The following RSRC1 variants were observed in gnomAD, a reference collection of about 807,000 sequenced individuals.
The protein encoded by RSRC1 is serine/Arginine-related protein 53.
A neutral mutation model predicts 49.1 loss-of-function variants in RSRC1; 39 were observed. The ratio of observed to expected loss-of-function variants is 0.79; its 90% CI spans 0.61 to 1.04. RSRC1 has a LOEUF of 1.04. RSRC1 is among the 50% of genes least tolerant of loss of function. The pLI is 0.00. For synonymous variants in RSRC1, 143 were observed against 130.8 expected, an observed-to-expected ratio of 1.09 and a Z score of -0.63; for missense variants, 388 against 402.4, an observed-to-expected ratio of 0.96 and a Z score of 0.31.
At chr3:158,230,838 A>C (rs1483676215) in intron 4 of RSRC1, among the ~76,000 whole-genome samples, 1 of 152,178 alleles carries the variant, frequency 6.6e-6, no homozygotes, top group African/African-American at 2.4e-5. Flanking sequence ...GATAAATTGT[A>C]AATTATGAAA....
intron 3 of RSRC1, among the ~76,000 whole-genome samples, chr3:158,164,967 C>T (rs1400982055): frequency 2.6e-5 from 4 of 152,108 alleles, no homozygotes; most frequent in Non-Finnish European, 5.9e-5. Context: ...GTCCCTGTTT[C>T]TCCCTATATA....
At chr3:158,443,851 G>A (rs1177774286) in intron 6 of RSRC1, among the ~76,000 whole-genome samples, 1 of 152,142 alleles carries the variant, frequency 6.6e-6, no homozygotes, top group Non-Finnish European at 1.5e-5. Context: ...AACACTCAAA[G>A]GCTATTGTAG....
chr3:158,244,631 G>A (rs1029712046), intron 4 of RSRC1, among the ~76,000 whole-genome samples: 5 of 152,122 alleles, frequency 3.3e-5, no homozygotes, highest in African/African-American at 1.2e-4. Flanking sequence ...GGATGATGCT[G>A]GCCTCATAGA....
intron 6 of RSRC1, among the ~76,000 whole-genome samples, chr3:158,428,225 G>C (rs1199404827): frequency 6.6e-6 from 1 of 151,790 alleles, no homozygotes; most frequent in Non-Finnish European, 1.5e-5. Flanking sequence ...TTTAGCCATA[G>C]TTAGCCTACT....
At chr3:158,426,491 A>G (rs73877203) in intron 6 of RSRC1, among the ~76,000 whole-genome samples, 11,119 of 151,720 alleles carry the variant, frequency 0.073, 478 homozygotes, top group South Asian at 0.13. Flanking sequence ...TATTTTAAAA[A>G]GATGCCATTT....
intron 4 of RSRC1, among the ~76,000 whole-genome samples, chr3:158,247,696 G>A (rs1723982408): frequency 6.6e-6 from 1 of 152,110 alleles, no homozygotes; most frequent in African/African-American, 2.4e-5. Flanking sequence ...GTTGGCTTTG[G>A]TTCTTCCTGT....
chr3:158,121,484 A>G (rs1715256322), intron 1 of RSRC1, among the ~76,000 whole-genome samples: 1 of 152,162 alleles, frequency 6.6e-6, no homozygotes, highest in Admixed American at 6.6e-5. Context: ...CATCAACTTT[A>G]GTACTTTAGT....
chr3:158,112,818 C>G (rs1238892421), intron 1 of RSRC1, among the ~76,000 whole-genome samples: 1 of 151,556 alleles, frequency 6.6e-6, no homozygotes, highest in Non-Finnish European at 1.5e-5. Context: ...CACCTCAGGC[C>G]CCATTGTGTG....
chr3:158,242,933 T>G (rs540072609), intron 4 of RSRC1, among the ~76,000 whole-genome samples: 3 of 152,322 alleles, frequency 2.0e-5, no homozygotes, highest in Admixed American at 2.0e-4. Context: ...AAGTTCTTTG[T>G]AGATGCCGGA....
chr3:158,305,758 A>G (rs553035521), intron 5 of RSRC1, among the ~76,000 whole-genome samples: 2 of 152,056 alleles, frequency 1.3e-5, no homozygotes, highest in African/African-American at 4.8e-5. Flanking sequence ...TTTAATTTTA[A>G]CATACACAGC....
chr3:158,144,422 A>G (rs1174460293), intron 3 of RSRC1, among the ~76,000 whole-genome samples: 1 of 152,074 alleles, frequency 6.6e-6, no homozygotes, highest in Non-Finnish European at 1.5e-5. Context: ...GCTGAGAATG[A>G]TGGTTTCCAG....
At chr3:158,534,401 G>T (rs563464414) in intron 7 of RSRC1, among the ~76,000 whole-genome samples, 1 of 151,540 alleles carries the variant, frequency 6.6e-6, no homozygotes, top group Non-Finnish European at 1.5e-5. Flanking sequence ...CTCCACCTTC[G>T]TGTCAAACCA....
At chr3:158,280,243 G>A (rs1435007286) in intron 4 of RSRC1, among the ~76,000 whole-genome samples, 1 of 152,130 alleles carries the variant, frequency 6.6e-6, no homozygotes, top group East Asian at 1.9e-4. Flanking sequence ...GCTGTAGCGA[G>A]CGAGCATGAC....
chr3:158,396,537 T>G (rs554348584), intron 6 of RSRC1, among the ~76,000 whole-genome samples: 23 of 152,222 alleles, frequency 1.5e-4, no homozygotes, highest in Non-Finnish European at 2.5e-4. Flanking sequence ...ATAAATAAAC[T>G]GAGCCACTGT....
intron 6 of RSRC1, among the ~76,000 whole-genome samples, chr3:158,391,564 T>G (rs146789873): frequency 5.9e-5 from 9 of 152,324 alleles, no homozygotes; most frequent in Admixed American, 5.9e-4. Context: ...GGCTCCCTTT[T>G]ATTCTTTGCT....
At chr3:158,241,281 C>G (rs1042534039) in intron 4 of RSRC1, among the ~76,000 whole-genome samples, 1 of 146,700 alleles carries the variant, frequency 6.8e-6, no homozygotes, top group Non-Finnish European at 1.5e-5. Context: ...AACCCCAGCT[C>G]TACTAAAAAT....
At chr3:158,295,002 G>A (rs1384830619) in intron 4 of RSRC1, among the ~76,000 whole-genome samples, 1 of 152,110 alleles carries the variant, frequency 6.6e-6, no homozygotes, top group Non-Finnish European at 1.5e-5. Flanking sequence ...TTAAAAAGAC[G>A]TAATGCATAT....
intron 4 of RSRC1, among the ~76,000 whole-genome samples, chr3:158,295,306 G>C (rs1381742579): frequency 1.3e-5 from 2 of 152,094 alleles, no homozygotes; most frequent in Non-Finnish European, 2.9e-5. Context: ...CAGGTTAGTA[G>C]TTTGTTGTGG....
At chr3:158,141,284 G>C (rs768829551) in intron 3 of RSRC1, among the ~76,000 whole-genome samples, 1 of 152,292 alleles carries the variant, frequency 6.6e-6, no homozygotes, top group Non-Finnish European at 1.5e-5. Context: ...GTTGCTGGTT[G>C]ATTCTTAACC....
Sources: allele counts gnomAD v4.1 joint callset (sites outside exome capture counted in the v4.1 genomes callset), GRCh38; gene constraint gnomAD v4.1.1; transcripts MANE v1.5; gene names NCBI Gene and HGNC (gene_info 2026-07-23, HGNC 2026-07-21).